The following ZSWIM4 variants were observed in gnomAD, a reference collection of about 807,000 sequenced individuals.
ZSWIM4 encodes zinc finger SWIM domain-containing protein 4.
A neutral mutation model predicts 102.5 loss-of-function variants in ZSWIM4; 62 were observed. That is an observed-to-expected ratio of 0.60 (90% CI 0.49 to 0.75). The LOEUF (loss-of-function observed/expected upper bound fraction) is 0.75. Among genes scored for constraint, ZSWIM4 ranks in the 30% least tolerant of loss-of-function variants. The pLI is 0.00. For synonymous variants in ZSWIM4, 652 were observed against 674.5 expected (o/e 0.97, Z 0.52); for missense variants, 1,280 against 1,529.6 (o/e 0.84, Z 2.72).
intron 12 of ZSWIM4, 94 bp from the exon 13 acceptor site, chr19:13,828,551 C>G: frequency 9.2e-7 from 1 of 1,084,998 alleles, no homozygotes; most frequent in Non-Finnish European, 1.4e-6. Context: ...GCTTTAACCT[C>G]CAAGTGTTTC....
At position 13,828,649 on chromosome 19, in the gene ZSWIM4, T is replaced by TG; in HGVS notation, c.2385dup (p.Arg796AlafsTer370). The stretch of plus-strand genomic sequence containing the variant: ...CTCCCCACCCCTACCTTGCAGGTGA[T>TG]GCGGATGACTCTGAACGTAATGACC... On this transcript the variant is annotated frameshift_variant, in exon 13 of 14. Coordinates refer to ENST00000590508, the MANE Select transcript of ZSWIM4 (RefSeq NM_001367834.3). LOFTEE classifies it high-confidence loss of function. 6.2e-7 allele frequency: 1 copy of TG among 1,614,058 alleles called. No individual in the cohort carries two copies. The highest frequency in any genetic ancestry group is 8.5e-7 in the Non-Finnish European group (1 of 1,179,964).
At chr19:13,824,095 A>AG (rs1232815989) in intron 11 of ZSWIM4, among the ~76,000 whole-genome samples, 2 of 146,776 alleles carry the variant, frequency 1.4e-5, no homozygotes, top group African/African-American at 5.0e-5. Context: ...GAGAGATAGT[A>AG]GGGGGGGATA....
chr19:13,827,244 C>T (rs987434106), intron 12 of ZSWIM4, among the ~76,000 whole-genome samples: 6 of 150,672 alleles, frequency 4.0e-5, no homozygotes, highest in African/African-American at 1.2e-4. Context: ...GAGCTATGAT[C>T]GCGCCACTGT....
At chr19:13,819,635 C>A (rs1975407707) in intron 10 of ZSWIM4, 143 bp downstream of exon 10, 2 of 677,640 alleles carry the variant, frequency 3.0e-6, no homozygotes, top group Non-Finnish European at 2.1e-6. Flanking sequence ...TTTGATGATG[C>A]CATGTGCTTT....
chr19:13,799,881 C>G lies in ZSWIM4; in HGVS notation c.315C>G (p.His105Gln), dbSNP rs1974711020. The G allele has an allele frequency of 1.9e-6, 3 of 1,613,210 alleles. No homozygotes were observed. The highest frequency in any genetic ancestry group is 2.5e-6 in the Non-Finnish European group (3 of 1,179,974). ...GGGTGCCCTTTACCCGCGGGCTGCA[C>G]CTGCTCCAGAGCGGGGCCGTGGACC... is the stretch of plus-strand genomic sequence containing the variant. ...DARVPFTRGL[H>Q]LLQSGAVDRV... The change falls in exon 2 of 14, where the codon CAC (histidine) becomes CAG (glutamine). Residue 105 changes from histidine (H) to glutamine (Q), a missense_variant. Coordinates refer to ENST00000590508, the MANE Select transcript of ZSWIM4 (RefSeq NM_001367834.3).
intron 7 of ZSWIM4, among the ~76,000 whole-genome samples, chr19:13,815,644 G>A (rs1177774374): frequency 6.6e-6 from 1 of 150,792 alleles, no homozygotes; most frequent in African/African-American, 2.4e-5. Context: ...GTTAATTTTT[G>A]TGTTTTTAGT....
rs1599597455 is a variant in ZSWIM4 at position 13,813,054 on chromosome 19, G to A, written c.1070G>A (p.Gly357Asp). 1 of 1,613,934 alleles carries A rather than the reference G, an allele frequency of 6.2e-7. No homozygotes were observed. The highest frequency in any genetic ancestry group is 1.1e-5 in the South Asian group (1 of 91,060). The change falls in exon 6 of 14, where the codon GGC becomes GAC. Residue 357 changes from glycine (G) to aspartate (D), a missense_variant. Gly to Asp is a moderately conservative substitution (Grantham distance 94). Transcript: ENST00000590508. ...SPHCKPEERA[G>D]WLQLLSRWDK... The stretch of plus-strand genomic sequence containing the variant: ...CACTGCAAACCAGAGGAAAGGGCAG[G>A]CTGGCTCCAGCTACTCAGCAGGTGG...
chr19:13,812,623 C>CTTTTT (rs545020943), intron 5 of ZSWIM4, among the ~76,000 whole-genome samples: 1 of 130,410 alleles, frequency 7.7e-6, no homozygotes, highest in African/African-American at 2.9e-5. Flanking sequence ...TCATGCCTGG[C>CTTTTT]TTTTTTTTTT....
In ZSWIM4 at chr19:13,795,525, G is replaced by A. The variant is rs1486856766; in HGVS notation, c.-124G>A. 12 of 210,304 alleles carry A rather than the reference G, an allele frequency of 5.7e-5. No homozygotes were observed. The highest frequency in any genetic ancestry group is 3.7e-5 in the Non-Finnish European group (4 of 107,622). 13.0% of individuals were successfully genotyped at this position (210,304 alleles called of 1,614,324 possible). A position where few individuals can be genotyped will look rare whatever the true frequency, so the allele number is the denominator to read the frequency against. On this transcript the variant is annotated 5_prime_UTR_variant, in exon 1 of 14. Coordinates refer to ENST00000590508, the MANE Select transcript of ZSWIM4 (RefSeq NM_001367834.3). ...GGGTGGGTGCGGTAGGGGTCCCGGG[G>A]CGGCCGAGCGCAGAGGACGGACGGG...
rs964569190 is a variant in ZSWIM4 at position 13,814,859 on chromosome 19, A to C, written c.1525A>C (p.Lys509Gln). 13 of 1,246,054 alleles carry C rather than the reference A, an allele frequency of 1.0e-5. No individual in the cohort carries two copies. The African/African-American group carries it at 2.0e-4, about 19-fold the overall frequency. 77.2% of individuals were successfully genotyped at this position (1,246,054 alleles called of 1,614,324 possible). Residue 509 changes from lysine to glutamine, a missense_variant, in exon 7 of 14, where the codon AAA (lysine) becomes CAA (glutamine). Physicochemically the swap from Lys to Gln is moderately conservative, Grantham distance 53. Coordinates refer to ENST00000590508, the MANE Select transcript of ZSWIM4 (RefSeq NM_001367834.3). Reference sequence around the variant, plus strand: ...TCAGCTAGAGAGCTACAAGCAGCAGAAAAAAGGTCAGCCTCAGCCGGGCAC... The same window carrying C: ...TCAGCTAGAGAGCTACAAGCAGCAGCAAAAAGGTCAGCCTCAGCCGGGCAC... ...RHQLESYKQQ[K>Q]KELLQKGSTC... is the part of the protein sequence containing the mutation.
At chr19:13,802,556 G>A (rs1462934600) in intron 2 of ZSWIM4, among the ~76,000 whole-genome samples, 1 of 151,076 alleles carries the variant, frequency 6.6e-6, no homozygotes, top group African/African-American at 2.4e-5. Flanking sequence ...CTCCAGCCTG[G>A]GCAAGAGAGA....
chr19:13,827,588 C>CAAAAAA (rs35504300), intron 12 of ZSWIM4, among the ~76,000 whole-genome samples: 35 of 72,086 alleles, frequency 4.9e-4, no homozygotes, highest in Non-Finnish European at 5.5e-4. Context: ...GTGAGACCCT[C>CAAAAAA]AAAAAAAAAA....
At chr19:13,803,510 G>A (rs908705744) in intron 2 of ZSWIM4, among the ~76,000 whole-genome samples, 1 of 151,992 alleles carries the variant, frequency 6.6e-6, no homozygotes, top group Non-Finnish European at 1.5e-5. Flanking sequence ...GGCTGGGCTC[G>A]GTGGCTCGCG....
intron 2 of ZSWIM4, among the ~76,000 whole-genome samples, chr19:13,800,364 C>T (rs1314175371): frequency 7.1e-6 from 1 of 139,954 alleles, no homozygotes; most frequent in Non-Finnish European, 1.5e-5. Flanking sequence ...CTCCCGGGTT[C>T]ACGCCATTCT....
intron 10 of ZSWIM4, 109 bp from the exon 11 acceptor site, chr19:13,823,237 G>A: frequency 8.6e-7 from 1 of 1,164,718 alleles, no homozygotes; most frequent in Non-Finnish European, 1.2e-6. Context: ...GGGCTCTCAG[G>A]GCTCTGCTGG....
In ZSWIM4 at chr19:13,801,973, A is replaced by AT. The variant is rs543183681; in HGVS notation, c.355+2072dup. On this transcript the variant is annotated intron_variant, in intron 2 of 13. Transcript: ENST00000590508. ...TGTGAGCCACCATGCCCAGCTTAGA[A>AT]TTTTTTTTTTTTTTTTTTTTGAGAT... Among the ~76,000 whole-genome samples, 666 of 94,184 alleles carry AT rather than the reference A, an allele frequency of 7.1e-3. 19 individuals are homozygous for AT. The highest frequency in any genetic ancestry group is 0.041 in the Admixed American group (337 of 8,192). 61.8% of individuals were successfully genotyped at this position (94,184 alleles called of 152,430 possible). A position where few individuals can be genotyped will look rare whatever the true frequency, so the allele number is the denominator to read the frequency against.
rs1259383463 is a variant in ZSWIM4, at chr19:13,825,711, C to T, written c.2377C>T (p.Gln793Ter). The change falls in exon 12 of 14, where the codon CAG becomes TAG. Residue 793 changes from glutamine to a stop codon, truncating the protein, a stop_gained and splice_region_variant. Coordinates refer to ENST00000590508, the MANE Select transcript of ZSWIM4 (RefSeq NM_001367834.3). LOFTEE classifies it high-confidence loss of function. The surrounding 1 kb of genome is among the most constrained non-coding windows in gnomAD (Gnocchi z 4.6). ...LLGIALELGL[Q>*]VMRMTLNVMT... ...GGGCATCGCACTGGAGCTGGGGCTG[C>T]AGGTGAGGGCTGCCAGGTGGATGCG... 6.2e-7 allele frequency: 1 copy of T among 1,607,196 alleles called. No individual in the cohort carries two copies. The highest frequency in any genetic ancestry group is 8.5e-7 in the Non-Finnish European group (1 of 1,178,810).
intron 10 of ZSWIM4, among the ~76,000 whole-genome samples, chr19:13,819,797 G>A (rs1021394742): frequency 1.1e-4 from 16 of 150,126 alleles, no homozygotes; most frequent in Non-Finnish European, 2.1e-4. Context: ...CCTCCCGAGT[G>A]GCTAGGATTA....
intron 1 of ZSWIM4, among the ~76,000 whole-genome samples, chr19:13,797,959 AT>A (rs2145244633): frequency 6.6e-6 from 1 of 152,260 alleles, no homozygotes; most frequent in South Asian, 2.1e-4. Context: ...ACCCGGACGT[AT>A]CTTATAATGT....
Sources: gnomAD v4.1 joint callset for allele counts (sites outside exome capture counted in the v4.1 genomes callset) on GRCh38, gnomAD v4.1.1 for gene constraint, Gnocchi (gnomAD v3.1) non-coding constraint, MANE v1.5 for transcripts, NCBI Gene and HGNC (gene_info 2026-07-23, HGNC 2026-07-21) for gene names.